Variants in FRMD6 observed in about 807,000 individuals in gnomAD.
The protein encoded by FRMD6 is FERM domain-containing protein 6.
Under a neutral mutation model 73.2 loss-of-function variants are expected in FRMD6, and 37 were observed. The observed-to-expected ratio is 0.51, with a 90% CI of 0.39 to 0.66. The LOEUF is 0.66. Among genes scored for constraint, FRMD6 ranks in the 30% least tolerant of loss-of-function variants. FRMD6 has a pLI of 0.00. For synonymous variants in FRMD6, 273 were observed against 282.2 expected (o/e 0.97, Z 0.33); for missense variants, 714 against 780.5 (o/e 0.91, Z 1.02).
intron 1 of FRMD6, among the ~76,000 whole-genome samples, chr14:51,524,037 A>C (rs1222290755): frequency 6.6e-6 from 1 of 152,248 alleles, no homozygotes; most frequent in African/African-American, 2.4e-5. Context: ...TAGACCATGC[A>C]TGCAGTTTGC....
In FRMD6 at chr14:51,715,360, T is replaced by C; in HGVS notation, c.885T>C (p.Pro295=). 1.3e-6 allele frequency: 2 copies of C among 1,589,854 alleles called. No homozygotes were observed. The highest frequency in any genetic ancestry group is 1.7e-6 in the Non-Finnish European group (2 of 1,166,802). Residue 295 remains proline, a synonymous_variant, in exon 10 of 14, where the codon CCT becomes CCC. Coordinates refer to ENST00000344768, the MANE Select transcript of FRMD6 (RefSeq NM_001267046.2). Reference sequence around the variant, plus strand: ...TTGAGATTTTGCCAGATGGCTTGCCTTCTGCCCGGAAGCTCATATACTACA... The same window carrying C: ...TTGAGATTTTGCCAGATGGCTTGCCCTCTGCCCGGAAGCTCATATACTACA... ...KKFEILPDGL[P]SARKLIYYTG... is the part of the protein sequence containing the mutation.
In FRMD6 at chr14:51,603,447, C is replaced by G. The variant is rs11851927; in HGVS notation, c.-147+33037C>G. Among the ~76,000 whole-genome samples the G allele has an allele frequency of 4.0e-5, 6 of 150,526 alleles. No homozygotes were observed. The East Asian group carries it at 9.7e-4, about 24-fold the overall frequency. ...GTGGATTGCAAGTGATTTTTTTTTT[C>G]TTCTTTTTGCTTCTCTGTATTTCTT... On this transcript the variant is annotated intron_variant, in intron 2 of 14. Transcript: ENST00000356218.
intron 1 of FRMD6, among the ~76,000 whole-genome samples, chr14:51,523,137 C>A (rs543295389): frequency 1.4e-4 from 21 of 152,208 alleles, no homozygotes; most frequent in African/African-American, 4.6e-4. Flanking sequence ...AGGAAAAAAA[C>A]ATTTAAACAT....
intron 1 of FRMD6, among the ~76,000 whole-genome samples, chr14:51,500,944 A>C (rs1197975773): frequency 6.6e-6 from 1 of 152,206 alleles, no homozygotes. Flanking sequence ...GATCTTTGAT[A>C]CTGCAGGGAT....
chr14:51,423,944 G>A, the FRMD6 span, among the ~76,000 whole-genome samples: 1 of 152,310 alleles, frequency 6.6e-6, no homozygotes, highest in East Asian at 1.9e-4. Context: ...AATACAAAAT[G>A]TCTACAACCT....
At chr14:51,594,944 TTCAGGAAAATTA>T (rs2139760920) in intron 2 of FRMD6, among the ~76,000 whole-genome samples, 1 of 152,300 alleles carries the variant, frequency 6.6e-6, no homozygotes, top group Non-Finnish European at 1.5e-5. Context: ...AGATGGTGCC[TTCAGGAAAATTA>T]TCAGAACTTG....
chr14:51,549,929 G>A (rs1596578243), intron 1 of FRMD6, among the ~76,000 whole-genome samples: 2 of 152,286 alleles, frequency 1.3e-5, no homozygotes, highest in Middle Eastern at 3.4e-3. Context: ...GCAGGACTCT[G>A]CCTGCAACAT....
intron 2 of FRMD6, among the ~76,000 whole-genome samples, chr14:51,623,887 G>T (rs566185166): frequency 6.6e-6 from 1 of 152,314 alleles, no homozygotes; most frequent in Non-Finnish European, 1.5e-5. Flanking sequence ...TATAAGGCAA[G>T]AACTGTGGTT....
chr14:51,451,646 G>T, the FRMD6 span, among the ~76,000 whole-genome samples: 22 of 152,192 alleles, frequency 1.4e-4, no homozygotes, highest in African/African-American at 5.3e-4. Context: ...CTCCCAAAGT[G>T]CTGGAGTTAC....
chr14:51,599,277 C>T (rs1176582304), intron 2 of FRMD6, among the ~76,000 whole-genome samples: 1 of 151,940 alleles, frequency 6.6e-6, no homozygotes, highest in East Asian at 1.9e-4. Flanking sequence ...GCTGGGATAG[C>T]TAGCTATCCA....
chr14:51,590,957 C>T (rs1188415386), intron 2 of FRMD6, among the ~76,000 whole-genome samples: 2 of 152,232 alleles, frequency 1.3e-5, no homozygotes, highest in Admixed American at 1.3e-4. Context: ...CAAATGAAAC[C>T]TGCTCAGCCT....
the FRMD6 span, among the ~76,000 whole-genome samples, chr14:51,445,474 A>AT: frequency 8.7e-3 from 1,306 of 149,470 alleles, 15 homozygotes; most frequent in Middle Eastern, 0.038. Context: ...CAGAAGTGCA[A>AT]TTTTTTTTTT....
the FRMD6 span, among the ~76,000 whole-genome samples, chr14:51,396,573 C>G: frequency 6.6e-6 from 1 of 152,188 alleles, no homozygotes; most frequent in Non-Finnish European, 1.5e-5. Context: ...CAGGAGTCAC[C>G]ATCTGTGCTG....
chr14:51,519,668 G>T (rs561126975), intron 1 of FRMD6, among the ~76,000 whole-genome samples: 30 of 152,214 alleles, frequency 2.0e-4, no homozygotes, highest in Admixed American at 1.8e-3. Context: ...AGGAGGTCAT[G>T]GTGATCCTTA....
At chr14:51,675,199 C>T (rs1489464347) in intron 1 of FRMD6, among the ~76,000 whole-genome samples, 5 of 151,912 alleles carry the variant, frequency 3.3e-5, no homozygotes, top group South Asian at 4.2e-4. Context: ...TAGCAGAGGC[C>T]GGCTTCTGAT....
At chr14:51,459,098 T>C in the FRMD6 span, among the ~76,000 whole-genome samples, 13 of 152,172 alleles carry the variant, frequency 8.5e-5, no homozygotes, top group African/African-American at 2.7e-4. Context: ...GTTAAATAGT[T>C]CTCCCCTTAG....
intron 2 of FRMD6, among the ~76,000 whole-genome samples, chr14:51,586,610 T>A (rs143082953): frequency 8.9e-4 from 136 of 152,282 alleles, no homozygotes; most frequent in African/African-American, 3.0e-3. Flanking sequence ...TTGTTTTTGT[T>A]GCATTTGCTT....
intron 7 of FRMD6, among the ~76,000 whole-genome samples, chr14:51,709,860 G>C (rs1157594938): frequency 2.0e-5 from 3 of 152,068 alleles, no homozygotes; most frequent in African/African-American, 7.2e-5. Context: ...GTCACTACTC[G>C]CTATAGCTGG....
At chr14:51,423,285 A>G in the FRMD6 span, among the ~76,000 whole-genome samples, 4 of 152,168 alleles carry the variant, frequency 2.6e-5, no homozygotes, top group African/African-American at 9.7e-5. Flanking sequence ...CTCACGGCAG[A>G]GCCTCCCTGG....
Sources: gnomAD v4.1 joint callset for allele counts (sites outside exome capture counted in the v4.1 genomes callset) on GRCh38, gnomAD v4.1.1 for gene constraint, MANE v1.5 for transcripts, NCBI Gene and HGNC (gene_info 2026-07-23, HGNC 2026-07-21) for gene names.